GPC5: variants seen among roughly 807,000 people sequenced by gnomAD.
The protein encoded by GPC5 is glypican 5.
In GPC5, 47 loss-of-function variants were observed where a neutral mutation model predicts 53.9. The ratio of observed to expected loss-of-function variants is 0.87; its 90% CI spans 0.69 to 1.11. The LOEUF (loss-of-function observed/expected upper bound fraction) is 1.11, where lower values mean the gene tolerates loss of function less well. GPC5 is among the 50% of genes most tolerant of loss of function. The pLI, the probability that GPC5 is intolerant of heterozygous loss-of-function variation, is 0.00. For missense variants in GPC5, 748 were observed against 713.1 expected, an observed-to-expected ratio of 1.05 and a Z score of -0.56; for synonymous variants, 286 against 263.3, an observed-to-expected ratio of 1.09 and a Z score of -0.84.
At chr13:91,575,752 TGA>T in intron 2 of GPC5, among the ~76,000 whole-genome samples, 1 of 152,118 alleles carries the variant, frequency 6.6e-6, no homozygotes, top group Non-Finnish European at 1.5e-5. Context: ...ATGAGAAAAT[TGA>T]GTCTTTTTCC....
chr13:91,636,838 G>C (rs2034297474), intron 2 of GPC5, among the ~76,000 whole-genome samples: 1 of 152,046 alleles, frequency 6.6e-6, no homozygotes. Flanking sequence ...CGTGCCTGTA[G>C]ACCTGACAAC....
rs1236424467 is a variant in GPC5, at chr13:91,448,794, C to T, written c.197C>T (p.Pro66Leu). ...CTTCAGGTTTGCATATCCAAAAAGC[C>T]TACATGTTGCACCAGGAAGATGGAG... Reference protein sequence around the residue: ...PDLQVCISKKPTCCTRKMEER... With the variant: ...PDLQVCISKKLTCCTRKMEER... The change falls in exon 2 of 8, where the codon CCT (proline) becomes CTT (leucine). Residue 66 changes from proline (P) to leucine (L), a missense_variant. Coordinates refer to ENST00000377067, the MANE Select transcript of GPC5 (RefSeq NM_004466.6). 3.1e-6 allele frequency: 5 copies of T among 1,613,614 alleles called. No individual in the cohort carries two copies. The highest frequency in any genetic ancestry group is 4.2e-6 in the Non-Finnish European group (5 of 1,179,734).
At chr13:91,822,796 G>T (rs190347595) in intron 5 of GPC5, among the ~76,000 whole-genome samples, 1 of 152,000 alleles carries the variant, frequency 6.6e-6, no homozygotes, top group African/African-American at 2.4e-5. Context: ...ATAATCACAG[G>T]TACTTCAAAA....
chr13:92,431,860 G>A (rs1312676774), intron 7 of GPC5, among the ~76,000 whole-genome samples: 1 of 152,186 alleles, frequency 6.6e-6, no homozygotes, highest in Admixed American at 6.5e-5. Flanking sequence ...GATGAGGCGA[G>A]AGTTGGTGAA....
intron 5 of GPC5, among the ~76,000 whole-genome samples, chr13:91,832,983 A>C (rs529348448): frequency 6.6e-6 from 1 of 152,238 alleles, no homozygotes; most frequent in East Asian, 1.9e-4. Flanking sequence ...TCAACAAAAT[A>C]GATAGACCAC....
At chr13:91,569,029 G>A (rs998429961) in intron 2 of GPC5, among the ~76,000 whole-genome samples, 2 of 152,114 alleles carry the variant, frequency 1.3e-5, no homozygotes, top group African/African-American at 4.8e-5. Context: ...GGGATCAGAG[G>A]CATGAGCTAC....
At chr13:91,420,349 A>G (rs551475412) in intron 1 of GPC5, among the ~76,000 whole-genome samples, 1 of 152,294 alleles carries the variant, frequency 6.6e-6, no homozygotes, top group Non-Finnish European at 1.5e-5. Flanking sequence ...ATGAGTATAT[A>G]GCTGTACTCC....
intron 7 of GPC5, among the ~76,000 whole-genome samples, chr13:92,209,745 A>C (rs2042361717): frequency 6.6e-6 from 1 of 152,176 alleles, no homozygotes; most frequent in African/African-American, 2.4e-5. Context: ...CATCCACCAT[A>C]TGTTAGACAG....
At chr13:92,304,882 A>G (rs2043100850) in intron 7 of GPC5, among the ~76,000 whole-genome samples, 1 of 152,122 alleles carries the variant, frequency 6.6e-6, no homozygotes, top group African/African-American at 2.4e-5. Context: ...TCAAAAATCC[A>G]TTTCCCATAG....
rs572786455 is a variant in GPC5 at position 92,761,583 on chromosome 13, C to G, written c.1562-104699C>G. 6.6e-5 allele frequency among the ~76,000 whole-genome samples: 10 copies of G among 152,272 alleles called. No homozygotes were observed. The South Asian group carries it at 2.1e-3, about 32-fold the overall frequency. On this transcript the variant is annotated intron_variant, in intron 7 of 7. Coordinates refer to ENST00000377067, the MANE Select transcript of GPC5 (RefSeq NM_004466.6). ...GATTTGCATGGAGTATCTTCCATCT[C>G]TTCACTTTCAGCCTATTTGTGTCCT...
intron 7 of GPC5, among the ~76,000 whole-genome samples, chr13:92,422,998 T>C (rs761573603): frequency 5.9e-5 from 9 of 152,222 alleles, no homozygotes; most frequent in Non-Finnish European, 1.0e-4. Context: ...GCAATTTATT[T>C]CTCGCAGTTC....
At chr13:91,728,232 A>G (rs1381677942) in intron 3 of GPC5, among the ~76,000 whole-genome samples, 2 of 152,142 alleles carry the variant, frequency 1.3e-5, no homozygotes, top group South Asian at 2.1e-4. Flanking sequence ...ATTTTGGTAA[A>G]GTAATGTTAC....
chr13:92,788,862 C>A (rs1876356569), intron 7 of GPC5, among the ~76,000 whole-genome samples: 1 of 152,120 alleles, frequency 6.6e-6, no homozygotes, highest in Non-Finnish European at 1.5e-5. Flanking sequence ...GTATGGCACA[C>A]CTTGAGAAAG....
rs547977769 is a variant in GPC5 at position 92,128,489 on chromosome 13, C to T, written c.1402-16341C>T. ...ACTGCCTTTCCCTTGTCCTGGGTTT[C>T]TAAAGACCTGTAGGGTAGTTTCTCA... On this transcript the variant is annotated intron_variant, in intron 6 of 7. Transcript: ENST00000377067. 2.1e-3 allele frequency among the ~76,000 whole-genome samples: 326 copies of T among 152,316 alleles called. 2 individuals carry two copies. Among genetic ancestry groups the T allele is most frequent in the Admixed American group, 3.5e-3 (53 of 15,300 alleles).
intron 6 of GPC5, among the ~76,000 whole-genome samples, chr13:92,004,458 T>TTATCTATATATATATATA (rs2040585848): frequency 1.2e-5 from 1 of 82,528 alleles, no homozygotes. Flanking sequence ...AAAAAAAAAA[T>TTATCTATATATATATATA]TATATATATA....
chr13:91,962,269 A>G (rs1300244625), intron 6 of GPC5, among the ~76,000 whole-genome samples: 2 of 152,096 alleles, frequency 1.3e-5, no homozygotes, highest in African/African-American at 2.4e-5. Context: ...TTCTTTTGAA[A>G]CTGAAATTAA....
Position 91,777,242 on chromosome 13 carries a change from T to G in GPC5, c.1280+20822T>G, listed in dbSNP as rs568968219. 8.5e-5 allele frequency among the ~76,000 whole-genome samples: 13 copies of G among 152,348 alleles called. No individual in the cohort carries two copies. The South Asian group carries it at 2.7e-3, about 32-fold the overall frequency. On this transcript the variant is annotated intron_variant, in intron 5 of 7. Coordinates refer to ENST00000377067, the MANE Select transcript of GPC5 (RefSeq NM_004466.6). ...ATTCAATGAAAGTGGAATTTGTTAT[T>G]TAGAACAAAATTGTTGCTTATATCC...
intron 2 of GPC5, among the ~76,000 whole-genome samples, chr13:91,662,989 G>T (rs947513718): frequency 6.6e-6 from 1 of 152,192 alleles, no homozygotes; most frequent in Non-Finnish European, 1.5e-5. Flanking sequence ...TTTGTGTAAG[G>T]CTAGCCTGCA....
intron 7 of GPC5, among the ~76,000 whole-genome samples, chr13:92,455,350 T>A (rs532814317): frequency 1.3e-5 from 2 of 152,312 alleles, no homozygotes; most frequent in East Asian, 3.9e-4. Context: ...GAATTTCCCC[T>A]AAAGAAATAC....
Sources: allele counts gnomAD v4.1 joint callset (sites outside exome capture counted in the v4.1 genomes callset), GRCh38; gene constraint gnomAD v4.1.1; transcripts MANE v1.5; gene names NCBI Gene and HGNC (gene_info 2026-07-23, HGNC 2026-07-21).